PARD3B: variants seen among roughly 807,000 people sequenced by gnomAD.
PARD3B encodes par-3 family cell polarity regulator beta.
A neutral mutation model predicts 130.2 loss-of-function variants in PARD3B; 103 were observed. The observed-to-expected ratio is 0.79, with a 90% CI of 0.67 to 0.93. The LOEUF (loss-of-function observed/expected upper bound fraction) is 0.93, where lower values mean the gene tolerates loss of function less well. PARD3B is among the 40% of genes least tolerant of loss of function. The pLI is 0.00. For missense variants in PARD3B, 1,609 were observed against 1,499.2 expected (o/e 1.07, Z -1.21); for synonymous variants, 583 against 553.2 (o/e 1.05, Z -0.76).
intron 2 of PARD3B, among the ~76,000 whole-genome samples, chr2:204,953,433 AG>A (rs1689970290): frequency 9.5e-6 from 1 of 104,742 alleles, no homozygotes; most frequent in Admixed American, 1.1e-4. Flanking sequence ...AGAGAGAGAG[AG>A]AGAGAGAGAG....
intron 2 of PARD3B, among the ~76,000 whole-genome samples, chr2:204,782,812 G>C (rs1358799949): frequency 2.0e-5 from 3 of 151,970 alleles, no homozygotes; most frequent in Admixed American, 6.6e-5. Context: ...AAGTATGGCT[G>C]TTTCTAATGC....
At chr2:205,489,389 A>C (rs2049578415) in intron 20 of PARD3B, among the ~76,000 whole-genome samples, 1 of 151,758 alleles carries the variant, frequency 6.6e-6, no homozygotes, top group African/African-American at 2.4e-5. Flanking sequence ...AGACAGGAGG[A>C]TAGCTTGAGC....
rs2047087132 is a variant in PARD3B, at chr2:204,907,709, G to C, written c.223-57443G>C. ...AAGAGTGGTTTTTTTGTCTTGTTTT[G>C]TTTTGTTTTTGACACAGAGTCTCAC... is the stretch of plus-strand genomic sequence containing the variant. On this transcript the variant is annotated intron_variant, in intron 2 of 22. Coordinates refer to ENST00000406610, the MANE Select transcript of PARD3B (RefSeq NM_001302769.2). This position sits in a 1 kb window ranked among gnomAD's most constrained non-coding sequence, Gnocchi z 5.7. Among the ~76,000 whole-genome samples the C allele has an allele frequency of 6.6e-6, 1 of 151,754 alleles. No individual in the cohort carries two copies. Among genetic ancestry groups the C allele is most frequent in the South Asian group, 2.1e-4 (1 of 4,800 alleles).
In PARD3B at chr2:205,011,486, A is replaced by G. The variant is rs1695709666; in HGVS notation, c.395-36095A>G. On this transcript the variant is annotated intron_variant, in intron 3 of 22. Coordinates refer to ENST00000406610, the MANE Select transcript of PARD3B (RefSeq NM_001302769.2). This position sits in a 1 kb window ranked among gnomAD's most constrained non-coding sequence, Gnocchi z 4.1. ...GCTCTAAAGACAGAAGTGCAGTTTT[A>G]TAACCTAATCTCAGAATGGACATAC... 6.6e-6 allele frequency among the ~76,000 whole-genome samples: 1 copy of G among 152,196 alleles called. No individual in the cohort carries two copies. Among genetic ancestry groups the G allele is most frequent in the Non-Finnish European group, 1.5e-5 (1 of 68,038 alleles).
At chr2:204,556,315 A>G (rs964384101) in intron 1 of PARD3B, among the ~76,000 whole-genome samples, 3 of 152,102 alleles carry the variant, frequency 2.0e-5, no homozygotes, top group Admixed American at 6.6e-5. Context: ...TGGCATCTTC[A>G]CTCACATGTC....
intron 22 of PARD3B, among the ~76,000 whole-genome samples, chr2:205,608,721 G>A (rs1402545476): frequency 7.2e-5 from 11 of 152,140 alleles, no homozygotes. Context: ...CTGCTGAACT[G>A]TCATACAGAA....
chr2:205,105,193 A>G lies in PARD3B; in HGVS notation c.593+679A>G, dbSNP rs1331493494. Among the ~76,000 whole-genome samples, 1 of 152,202 alleles carries G rather than the reference A, an allele frequency of 6.6e-6. No individual in the cohort carries two copies. The highest frequency in any genetic ancestry group is 1.5e-5 in the Non-Finnish European group (1 of 68,038). ...TTCTAGTCTGTAGAATGGAAATAGT[A>G]TTAAAATCTTATTCAGAGGGTTAGT... On this transcript the variant is annotated intron_variant, in intron 5 of 22. Coordinates refer to ENST00000406610, the MANE Select transcript of PARD3B (RefSeq NM_001302769.2). The surrounding 1 kb of genome is among the most constrained non-coding windows in gnomAD (Gnocchi z 4.0).
intron 2 of PARD3B, among the ~76,000 whole-genome samples, chr2:204,902,637 C>G (rs1487387021): frequency 7.0e-6 from 1 of 142,250 alleles, no homozygotes; most frequent in Non-Finnish European, 1.5e-5. Flanking sequence ...CCACTGCACT[C>G]CAGCCTGGGC....
intron 2 of PARD3B, among the ~76,000 whole-genome samples, chr2:204,763,463 A>T: frequency 6.6e-6 from 1 of 152,218 alleles, no homozygotes; most frequent in South Asian, 2.1e-4. Flanking sequence ...AAGACTCAAA[A>T]TTCTTCAAAA....
chr2:204,809,933 C>G (rs1008047021), intron 2 of PARD3B, among the ~76,000 whole-genome samples: 1 of 151,688 alleles, frequency 6.6e-6, no homozygotes, highest in Admixed American at 6.6e-5. Context: ...TTTCATAAGT[C>G]TTATTGTAGA....
chr2:205,068,390 AT>A (rs546582131), intron 4 of PARD3B, among the ~76,000 whole-genome samples: 31 of 152,028 alleles, frequency 2.0e-4, no homozygotes, highest in African/African-American at 7.0e-4. Context: ...TCTGTTTTTA[AT>A]TTTTTTCTCT....
At chr2:204,780,656 C>CA (rs574030019) in intron 2 of PARD3B, among the ~76,000 whole-genome samples, 1 of 152,030 alleles carries the variant, frequency 6.6e-6, no homozygotes, top group Non-Finnish European at 1.5e-5. Context: ...TTAAGACTGC[C>CA]ATTTGGTACA....
chr2:205,200,652 G>T (rs1574367699), intron 15 of PARD3B, among the ~76,000 whole-genome samples: 1 of 152,156 alleles, frequency 6.6e-6, no homozygotes, highest in Non-Finnish European at 1.5e-5. Context: ...GACAAAGGCT[G>T]CAGTCTTACA....
chr2:205,068,692 A>G (rs372373635), intron 4 of PARD3B, among the ~76,000 whole-genome samples: 28 of 152,154 alleles, frequency 1.8e-4, no homozygotes, highest in African/African-American at 6.8e-4. Context: ...AAGTACAGCT[A>G]CTACTATAGC....
chr2:204,861,361 TAAG>T (rs1228204680), intron 2 of PARD3B, among the ~76,000 whole-genome samples: 1 of 152,162 alleles, frequency 6.6e-6, no homozygotes. Context: ...AGAATGGTAT[TAAG>T]AAAAATATTT....
intron 22 of PARD3B, among the ~76,000 whole-genome samples, chr2:205,596,225 A>T (rs1368325522): frequency 6.6e-6 from 1 of 152,238 alleles, no homozygotes; most frequent in Non-Finnish European, 1.5e-5. Context: ...AGGATGGGGG[A>T]AATTCACCAC....
chr2:205,048,140 G>C (rs932169454), intron 4 of PARD3B: 2 of 152,766 alleles, frequency 1.3e-5, no homozygotes, highest in African/African-American at 4.8e-5. Flanking sequence ...TTCCAGTTTC[G>C]TAATGTCCAA....
intron 1 of PARD3B, among the ~76,000 whole-genome samples, chr2:204,588,292 A>G (rs1433203616): frequency 6.6e-6 from 1 of 152,216 alleles, no homozygotes; most frequent in Non-Finnish European, 1.5e-5. Context: ...TTTATTGTAC[A>G]TGTAATGAGA....
In PARD3B at chr2:205,011,784, T is replaced by C. The variant is rs966735548; in HGVS notation, c.395-35797T>C. On this transcript the variant is annotated intron_variant, in intron 3 of 22. Coordinates refer to ENST00000406610, the MANE Select transcript of PARD3B (RefSeq NM_001302769.2). The surrounding 1 kb of genome is among the most constrained non-coding windows in gnomAD (Gnocchi z 4.1). ...CACCATTCAGTATTTGACTCTTCCT[T>C]AGTTTTCTGGGTTTTTTTTTTTTAC... 7.9e-5 allele frequency among the ~76,000 whole-genome samples: 12 copies of C among 151,966 alleles called. No homozygotes were observed. Among genetic ancestry groups the C allele is most frequent in the African/African-American group, 2.2e-4 (9 of 41,372 alleles).
Sources: gnomAD v4.1 joint callset for allele counts (sites outside exome capture counted in the v4.1 genomes callset) on GRCh38, gnomAD v4.1.1 for gene constraint, Gnocchi (gnomAD v3.1) non-coding constraint, MANE v1.5 for transcripts, NCBI Gene and HGNC (gene_info 2026-07-23, HGNC 2026-07-21) for gene names.